The following GRIN2B variants were observed in gnomAD, a reference collection of about 807,000 sequenced individuals.
GRIN2B encodes the protein glutamate ionotropic receptor NMDA type subunit 2B.
GRIN2B carries 5 observed loss-of-function variants against 114.5 expected under a neutral mutation model. That is an observed-to-expected ratio of 0.04 (90% CI 0.02 to 0.09). GRIN2B has a LOEUF of 0.09. Among genes scored for constraint, GRIN2B ranks in the 10% least tolerant of loss-of-function variants. GRIN2B has a pLI of 1.00. For missense variants in GRIN2B, 1,108 were observed against 1,943.5 expected, an observed-to-expected ratio of 0.57 and a Z score of 8.08; for synonymous variants, 787 against 745.1, an observed-to-expected ratio of 1.06 and a Z score of -0.92.
intron 10 of GRIN2B, among the ~76,000 whole-genome samples, chr12:13,586,664 T>C (rs567070839): frequency 1.3e-5 from 2 of 152,336 alleles, no homozygotes; most frequent in East Asian, 3.9e-4. Flanking sequence ...AGACCTCACT[T>C]ACTCAGTTCT....
intron 3 of GRIN2B, among the ~76,000 whole-genome samples, chr12:13,826,245 C>T (rs903426135): frequency 6.6e-6 from 1 of 151,944 alleles, no homozygotes; most frequent in Admixed American, 6.6e-5. Context: ...CCGAGGTGGG[C>T]GGATCACTTG....
At chr12:13,934,360 T>C (rs1021828494) in intron 2 of GRIN2B, among the ~76,000 whole-genome samples, 2 of 152,238 alleles carry the variant, frequency 1.3e-5, no homozygotes. Context: ...CAGGGTTAGA[T>C]ACTATAGTTT....
chr12:13,839,650 A>C (rs1404887425), intron 3 of GRIN2B, among the ~76,000 whole-genome samples: 1 of 152,230 alleles, frequency 6.6e-6, no homozygotes, highest in Non-Finnish European at 1.5e-5. Flanking sequence ...AGAGGCAGAG[A>C]CAAACGGAAG....
At position 13,680,435 on chromosome 12, in the gene GRIN2B, GTT is replaced by G. The variant is rs1491471944; in HGVS notation, c.1011-4578_1011-4577del. On this transcript the variant is annotated intron_variant, in intron 4 of 13. Coordinates refer to ENST00000609686, the MANE Select transcript of GRIN2B (RefSeq NM_000834.5). ...CAAATCCCCTGGAAGTCCCATCAAGGTTGTGTGTGTGTGTGTGTGTGTGTGTG... is the reference window on the plus strand; with the variant it reads ...CAAATCCCCTGGAAGTCCCATCAAGGGTGTGTGTGTGTGTGTGTGTGTGTG... 7.2e-4 allele frequency among the ~76,000 whole-genome samples: 84 copies of G among 116,456 alleles called. 1 individual carries two copies. Among genetic ancestry groups the G allele is most frequent in the East Asian group, 2.3e-3 (8 of 3,536 alleles). The allele number at this position is 116,456 out of a possible 152,430, so 76.4% of individuals were successfully genotyped here.
intron 4 of GRIN2B, among the ~76,000 whole-genome samples, chr12:13,726,399 G>A (rs1160394609): frequency 6.6e-6 from 1 of 151,850 alleles, no homozygotes; most frequent in African/African-American, 2.4e-5. Context: ...GCCAGGCATG[G>A]TGGCGGCCAC....
At chr12:13,647,443 C>T (rs1454048481) in intron 5 of GRIN2B, among the ~76,000 whole-genome samples, 5 of 152,086 alleles carry the variant, frequency 3.3e-5, no homozygotes, top group African/African-American at 7.2e-5. Flanking sequence ...TGCTTTTCCA[C>T]AATTCTCTTC....
intron 2 of GRIN2B, among the ~76,000 whole-genome samples, chr12:13,901,389 A>T (rs1357600641): frequency 6.6e-6 from 1 of 152,160 alleles, no homozygotes; most frequent in East Asian, 1.9e-4. Flanking sequence ...CTTTAAACAG[A>T]TATAAATGAA....
At chr12:13,889,514 T>A (rs1309884116) in intron 2 of GRIN2B, among the ~76,000 whole-genome samples, 1 of 152,224 alleles carries the variant, frequency 6.6e-6, no homozygotes, top group Non-Finnish European at 1.5e-5. Context: ...TAATTAATTT[T>A]CACAAAACCT....
At chr12:13,847,634 G>T (rs1861787) in intron 3 of GRIN2B, among the ~76,000 whole-genome samples, 13,757 of 152,148 alleles carry the variant, frequency 0.09, 852 homozygotes, top group South Asian at 0.16. Flanking sequence ...GACAAGGTGG[G>T]AGAAGGGCAG....
chr12:13,962,648 A>C (rs567977184), intron 2 of GRIN2B, among the ~76,000 whole-genome samples: 10 of 152,286 alleles, frequency 6.6e-5, no homozygotes, highest in African/African-American at 2.4e-4. Context: ...CACCAAGCAA[A>C]TATCTGCCCG....
chr12:13,698,510 AT>A (rs1195970328), intron 4 of GRIN2B, among the ~76,000 whole-genome samples: 3 of 152,238 alleles, frequency 2.0e-5, no homozygotes, highest in Admixed American at 6.5e-5. Context: ...TATTCAAAAA[AT>A]ATAACAGTAT....
chr12:13,925,483 T>C (rs1326112357), intron 2 of GRIN2B, among the ~76,000 whole-genome samples: 1 of 152,198 alleles, frequency 6.6e-6, no homozygotes, highest in African/African-American at 2.4e-5. Context: ...TTTTCTGATT[T>C]CCACCATTTT....
At chr12:13,828,752 G>T (rs1865097489) in intron 3 of GRIN2B, among the ~76,000 whole-genome samples, 1 of 152,130 alleles carries the variant, frequency 6.6e-6, no homozygotes, top group Non-Finnish European at 1.5e-5. Context: ...TGGTGGGAGG[G>T]TAATTTCAGA....
intron 3 of GRIN2B, among the ~76,000 whole-genome samples, chr12:13,783,901 A>G (rs1864168544): frequency 6.6e-6 from 1 of 152,090 alleles, no homozygotes; most frequent in African/African-American, 2.4e-5. Flanking sequence ...AGGTCAGGGA[A>G]AGGCAAAATT....
Position 13,547,951 on chromosome 12 carries a change from A to ATGTGTG in GRIN2B, c.*14826_*14831dup, listed in dbSNP as rs974791649. 74 of 98,904 alleles carry ATGTGTG rather than the reference A, an allele frequency of 7.5e-4. 1 individual carries two copies. The highest frequency in any genetic ancestry group is 5.2e-3 in the East Asian group (14 of 2,676). The allele number at this position is 98,904 out of a possible 1,614,324, so 6.1% of individuals were successfully genotyped here. On this transcript the variant is annotated 3_prime_UTR_variant, in exon 14 of 14. Transcript: ENST00000609686. ...GTTATGTATATGTATGTATGTATGT[A>ATGTGTG]TGTGTGTGTATATATATATATATAT...
At chr12:13,611,634 A>G in intron 9 of GRIN2B, 91 bp downstream of exon 9, 6 of 1,248,272 alleles carry the variant, frequency 4.8e-6, no homozygotes, top group Non-Finnish European at 7.1e-6. Context: ...TGGATATGCT[A>G]GGGAAAATGC....
At chr12:13,941,374 T>G (rs564945571) in intron 2 of GRIN2B, among the ~76,000 whole-genome samples, 3 of 152,204 alleles carry the variant, frequency 2.0e-5, no homozygotes, top group Non-Finnish European at 4.4e-5. Flanking sequence ...TCCAGTCATA[T>G]GCATGATAAG....
At chr12:13,930,823 C>G (rs1371327858) in intron 2 of GRIN2B, among the ~76,000 whole-genome samples, 1 of 152,070 alleles carries the variant, frequency 6.6e-6, no homozygotes, top group East Asian at 1.9e-4. Flanking sequence ...TCAGTCCAAA[C>G]CACAGCCCCC....
chr12:13,826,151 G>A (rs1387637588), intron 3 of GRIN2B, among the ~76,000 whole-genome samples: 1 of 151,724 alleles, frequency 6.6e-6, no homozygotes, highest in African/African-American at 2.4e-5. Flanking sequence ...TGTGCTTCTT[G>A]AAACTGCTAC....
Sources: allele counts gnomAD v4.1 joint callset (sites outside exome capture counted in the v4.1 genomes callset), GRCh38; gene constraint gnomAD v4.1.1; transcripts MANE v1.5; gene names NCBI Gene and HGNC (gene_info 2026-07-23, HGNC 2026-07-21).